The following MTA1 variants were observed in gnomAD, a reference collection of about 807,000 sequenced individuals.
MTA1 encodes the protein metastasis-associated protein MTA1.
Under a neutral mutation model 97.0 loss-of-function variants are expected in MTA1, and 15 were observed. That is an observed-to-expected ratio of 0.15 (90% confidence interval 0.10 to 0.24). The LOEUF (loss-of-function observed/expected upper bound fraction) is 0.24, where lower values mean the gene tolerates loss of function less well. Among genes scored for constraint, MTA1 ranks in the 10% least tolerant of loss-of-function variants. MTA1 has a pLI of 1.00. For missense variants in MTA1, 709 were observed against 1,015.1 expected, an observed-to-expected ratio of 0.70 and a Z score of 4.10; for synonymous variants, 435 against 417.5, an observed-to-expected ratio of 1.04 and a Z score of -0.51.
intron 2 of MTA1, among the ~76,000 whole-genome samples, chr14:105,443,043 A>T (rs4983623): frequency 0.97 from 147,333 of 152,298 alleles, 71,443 homozygotes; most frequent in East Asian, 1. Flanking sequence ...TGGCTCGCTG[A>T]GACATTGGAT....
chr14:105,458,191 C>G lies in MTA1; in HGVS notation c.551-79C>G, dbSNP rs1198512241. 5 of 1,249,294 alleles carry G rather than the reference C, an allele frequency of 4.0e-6. No homozygotes were observed. In the Admixed American group the frequency reaches 9.1e-5, roughly 23 times the overall value. 77.4% of individuals were successfully genotyped at this position (1,249,294 alleles called of 1,614,324 possible). A position where few individuals can be genotyped will look rare whatever the true frequency, so the allele number is the denominator to read the frequency against. The stretch of plus-strand genomic sequence containing the variant: ...CTTCCCCCTCCCCGTCCCAGCAGCT[C>G]CCCGCACCCGGGGAGGAGAGGCGCG... On this transcript the variant is annotated intron_variant, in intron 7 of 20. Transcript: ENST00000331320.
At chr14:105,442,963 G>C (rs2082593685) in intron 2 of MTA1, among the ~76,000 whole-genome samples, 1 of 152,264 alleles carries the variant, frequency 6.6e-6, no homozygotes, top group African/African-American at 2.4e-5. Context: ...CCTGAATGCG[G>C]AAGAGCCTGG....
intron 6 of MTA1, among the ~76,000 whole-genome samples, chr14:105,451,405 G>T (rs782159715): frequency 1.3e-5 from 2 of 152,252 alleles, no homozygotes; most frequent in African/African-American, 4.8e-5. Context: ...TAACACATGC[G>T]TGGAGCATGG....
At chr14:105,450,652 G>A (rs587750313) in intron 6 of MTA1, among the ~76,000 whole-genome samples, 6 of 152,262 alleles carry the variant, frequency 3.9e-5, no homozygotes, top group African/African-American at 1.2e-4. Flanking sequence ...CTGAGTCTTC[G>A]CAGGAGTCTT....
intron 1 of MTA1, among the ~76,000 whole-genome samples, chr14:105,436,971 C>A (rs1463357232): frequency 6.6e-6 from 1 of 152,246 alleles, no homozygotes; most frequent in Non-Finnish European, 1.5e-5. Flanking sequence ...CCACAGGCCC[C>A]CTGTCACTTC....
chr14:105,420,698 G>A lies in MTA1; in HGVS notation c.28+635G>A, dbSNP rs947730710. Among the ~76,000 whole-genome samples, 1 of 152,224 alleles carries A rather than the reference G, an allele frequency of 6.6e-6. No individual in the cohort carries two copies. Among genetic ancestry groups the A allele is most frequent in the Non-Finnish European group, 1.5e-5 (1 of 68,022 alleles). Reference sequence around the variant, plus strand: ...AGCCCATTCGGGAGGCGCTTTGCAAGGGTTGGGGAGAGGCCGGAGGGCCTC... The same window carrying A: ...AGCCCATTCGGGAGGCGCTTTGCAAAGGTTGGGGAGAGGCCGGAGGGCCTC... On this transcript the variant is annotated intron_variant, in intron 1 of 20. Coordinates refer to ENST00000331320, the MANE Select transcript of MTA1 (RefSeq NM_004689.4). The surrounding 1 kb of genome is among the most constrained non-coding windows in gnomAD (Gnocchi z 5.3).
chr14:105,469,741 T>TG, intron 19 of MTA1, 100 bp from the exon 20 acceptor site: 2 of 1,439,906 alleles, frequency 1.4e-6, no homozygotes, highest in Non-Finnish European at 1.9e-6. Context: ...ACTGGGGTGG[T>TG]GGGGGGTTGG....
At chr14:105,448,383 C>T (rs2082791784) in intron 3 of MTA1, among the ~76,000 whole-genome samples, 1 of 152,152 alleles carries the variant, frequency 6.6e-6, no homozygotes, top group African/African-American at 2.4e-5. Context: ...CTGACCGGGA[C>T]GCTGGTGAAA....
At chr14:105,442,599 C>G (rs1195612339) in intron 2 of MTA1, among the ~76,000 whole-genome samples, 5 of 152,272 alleles carry the variant, frequency 3.3e-5, no homozygotes, top group African/African-American at 1.2e-4. Flanking sequence ...AAAGAATGGC[C>G]TAGTGTGGCC....
At chr14:105,469,614 G>A (rs962521618) in intron 19 of MTA1, 116 bp downstream of exon 19, 2 of 1,330,132 alleles carry the variant, frequency 1.5e-6, no homozygotes, top group Non-Finnish European at 2.1e-6. Flanking sequence ...CAGGAGGCCT[G>A]GCAAGACCAG....
At position 105,466,528 on chromosome 14, in the gene MTA1, C is replaced by T; in HGVS notation, c.1727C>T (p.Ser576Phe). ...AKVAPVINNG[S>F]PTILGKRSYE... is the part of the protein sequence containing the mutation. ...GTGGCCCCCGTCATCAACAACGGCT[C>T]CCCCACCATCCTGGGCAAGCGCAGC... is the stretch of plus-strand genomic sequence containing the variant. Residue 576 changes from serine (S) to phenylalanine (F), a missense_variant, in exon 17 of 21, where the codon TCC (serine) becomes TTC (phenylalanine). This residue lies in a region of MTA1 where 388 missense variants were observed against 421.6 expected (regional missense o/e 0.92). Transcript: ENST00000331320. 1 of 1,587,920 alleles carries T rather than the reference C, an allele frequency of 6.3e-7. No individual in the cohort carries two copies. The highest frequency in any genetic ancestry group is 8.6e-7 in the Non-Finnish European group (1 of 1,168,090).
intron 10 of MTA1, among the ~76,000 whole-genome samples, chr14:105,462,307 A>T (rs2083387828): frequency 6.6e-6 from 1 of 152,202 alleles, no homozygotes; most frequent in South Asian, 2.1e-4. Flanking sequence ...GCAGTGGCTC[A>T]TGCCTGTAAT....
Position 105,454,323 on chromosome 14 carries a change from G to A in MTA1, c.550+13G>A, listed in dbSNP as rs782462530. On this transcript the variant is annotated intron_variant, in intron 7 of 20. Coordinates refer to ENST00000331320, the MANE Select transcript of MTA1 (RefSeq NM_004689.4). ...TTGTTAAAAGAAGGTAGGGTGGGCC[G>A]CCCTGGGCATGGAGCCCTCTGTCCT... The A allele has an allele frequency of 1.8e-5, 28 of 1,588,476 alleles. No homozygotes were observed. The Admixed American group carries it at 3.2e-4, about 18-fold the overall frequency.
chr14:105,453,024 G>C (rs1157692726), intron 6 of MTA1, among the ~76,000 whole-genome samples: 2 of 152,272 alleles, frequency 1.3e-5, no homozygotes, highest in African/African-American at 4.8e-5. Flanking sequence ...GGACTCCAGG[G>C]TCAGGCCCGG....
At chr14:105,448,599 T>C (rs1555427805) in intron 3 of MTA1, among the ~76,000 whole-genome samples, 1 of 152,150 alleles carries the variant, frequency 6.6e-6, no homozygotes, top group African/African-American at 2.4e-5. Flanking sequence ...TGGCCTGGGA[T>C]GAGAGGACTG....
At chr14:105,452,521 G>T (rs919874587) in intron 6 of MTA1, among the ~76,000 whole-genome samples, 2 of 152,222 alleles carry the variant, frequency 1.3e-5, no homozygotes, top group African/African-American at 4.8e-5. Flanking sequence ...CTCTACAAAA[G>T]TAAAAAACAT....
intron 16 of MTA1, 56 bp downstream of exon 16, chr14:105,465,239 C>T: frequency 7.0e-7 from 1 of 1,433,138 alleles, no homozygotes; most frequent in South Asian, 1.3e-5. Context: ...CAGCTTCTCA[C>T]CCAAGCTCAT....
intron 1 of MTA1, among the ~76,000 whole-genome samples, chr14:105,421,145 G>A (rs2081820735): frequency 1.3e-5 from 2 of 152,144 alleles, no homozygotes; most frequent in African/African-American, 4.8e-5. Context: ...TCTGTGAGAT[G>A]GGCGGTCAGT....
chr14:105,456,494 T>C (rs899890273), intron 7 of MTA1, among the ~76,000 whole-genome samples: 3 of 152,178 alleles, frequency 2.0e-5, no homozygotes, highest in Non-Finnish European at 4.4e-5. Context: ...TGCCCTGCCG[T>C]TCCTTGGCTT....
Sources: allele counts gnomAD v4.1 joint callset (sites outside exome capture counted in the v4.1 genomes callset), GRCh38; gene constraint gnomAD v4.1.1; regional missense constraint gnomAD v4.1.1; non-coding constraint Gnocchi (gnomAD v3.1); transcripts MANE v1.5; gene names NCBI Gene and HGNC (gene_info 2026-07-23, HGNC 2026-07-21).